The following STXBP4 variants were observed in gnomAD, a reference collection of about 807,000 sequenced individuals.
STXBP4 encodes the protein syntaxin-binding protein 4.
In STXBP4, 55 loss-of-function variants were observed where a neutral mutation model predicts 76.1. That is an observed-to-expected ratio of 0.72 (90% CI 0.58 to 0.91). STXBP4 has a LOEUF of 0.91. Ranked by LOEUF, STXBP4 falls within the 40% of genes least tolerant of loss-of-function variation. The pLI, the probability that STXBP4 is intolerant of heterozygous loss-of-function variation, is 0.00. For missense variants in STXBP4, 618 were observed against 636.9 expected, an observed-to-expected ratio of 0.97 and a Z score of 0.32; for synonymous variants, 201 against 220.2, an observed-to-expected ratio of 0.91 and a Z score of 0.77.
At chr17:55,046,343 A>G (rs1481666980) in intron 11 of STXBP4, among the ~76,000 whole-genome samples, 1 of 151,924 alleles carries the variant, frequency 6.6e-6, no homozygotes, top group Non-Finnish European at 1.5e-5. Context: ...AATATACCAG[A>G]AAGGATATTG....
intron 1 of STXBP4, among the ~76,000 whole-genome samples, chr17:54,971,842 G>A (rs1391676325): frequency 6.6e-6 from 1 of 151,520 alleles, no homozygotes; most frequent in African/African-American, 2.4e-5. Context: ...GGTTGCTCAG[G>A]CTGGTTTCAA....
At chr17:54,996,232 C>T (rs1388987199) in intron 4 of STXBP4, among the ~76,000 whole-genome samples, 9 of 149,046 alleles carry the variant, frequency 6.0e-5, no homozygotes, top group African/African-American at 2.2e-4. Flanking sequence ...AGAGAAGTGG[C>T]AGGGTGGATG....
intron 8 of STXBP4, among the ~76,000 whole-genome samples, chr17:55,013,517 T>C (rs2078149263): frequency 6.6e-6 from 1 of 152,240 alleles, no homozygotes; most frequent in African/African-American, 2.4e-5. Flanking sequence ...GATAAGCCAG[T>C]ATAGGCTGGA....
intron 16 of STXBP4, among the ~76,000 whole-genome samples, chr17:55,109,646 T>A (rs1337605621): frequency 8.6e-6 from 1 of 116,818 alleles, no homozygotes; most frequent in Non-Finnish European, 1.8e-5. Flanking sequence ...TTTTTTTTTT[T>A]TATATGGAGT....
chr17:55,024,302 C>G (rs1291162255), intron 8 of STXBP4, among the ~76,000 whole-genome samples: 1 of 152,242 alleles, frequency 6.6e-6, no homozygotes, highest in Non-Finnish European at 1.5e-5. Context: ...AGTGCCACCA[C>G]ATAAGGAGAT....
the STXBP4 span, among the ~76,000 whole-genome samples, chr17:55,197,954 G>A: frequency 3.9e-5 from 6 of 152,114 alleles, 1 homozygote; most frequent in African/African-American, 1.2e-4. Context: ...TGGACAAAAC[G>A]CACAGCAAAG....
chr17:55,211,856 G>A, the STXBP4 span, among the ~76,000 whole-genome samples: 2 of 123,662 alleles, frequency 1.6e-5, no homozygotes, highest in Admixed American at 2.2e-4. Flanking sequence ...TTGCCAGGCT[G>A]GAGTGGTGCA....
At chr17:55,094,897 G>A (rs1384514474) in intron 16 of STXBP4, among the ~76,000 whole-genome samples, 1 of 152,144 alleles carries the variant, frequency 6.6e-6, no homozygotes, top group East Asian at 1.9e-4. Context: ...CAAATATCTA[G>A]TGTGAATCAA....
chr17:55,061,075 G>A (rs2078988542), intron 12 of STXBP4, among the ~76,000 whole-genome samples: 1 of 152,160 alleles, frequency 6.6e-6, no homozygotes, highest in Non-Finnish European at 1.5e-5. Context: ...CTTGAGAAGA[G>A]CATGAAGTCC....
intron 4 of STXBP4, among the ~76,000 whole-genome samples, chr17:54,993,290 G>A (rs2077747534): frequency 6.6e-6 from 1 of 152,144 alleles, no homozygotes; most frequent in Admixed American, 6.5e-5. Flanking sequence ...GGTCATATCT[G>A]ACCAAGGAAA....
chr17:55,174,147 A>G (rs943227761), downstream of STXBP4, among the ~76,000 whole-genome samples: 1 of 152,228 alleles, frequency 6.6e-6, no homozygotes, highest in Non-Finnish European at 1.5e-5. Flanking sequence ...TCTTAATCAC[A>G]TCTGCAAAAT....
intron 12 of STXBP4, among the ~76,000 whole-genome samples, chr17:55,068,401 G>A (rs2079079434): frequency 6.6e-6 from 1 of 152,108 alleles, no homozygotes; most frequent in Non-Finnish European, 1.5e-5. Flanking sequence ...ATGTGAATGT[G>A]TTAGCCTAAT....
chr17:55,038,842 G>A (rs1357889542), intron 10 of STXBP4, among the ~76,000 whole-genome samples: 4 of 152,032 alleles, frequency 2.6e-5, no homozygotes, highest in Non-Finnish European at 5.9e-5. Context: ...TTGGGCTCTT[G>A]TTAAGTCAAT....
chr17:55,060,232 A>G (rs1170717295), intron 12 of STXBP4, among the ~76,000 whole-genome samples: 4 of 152,114 alleles, frequency 2.6e-5, no homozygotes, highest in Non-Finnish European at 5.9e-5. Flanking sequence ...TGTACATAGA[A>G]TGATATTATT....
rs1407008540 is a variant in STXBP4, at chr17:55,160,311, T to C, written c.*400T>C. ...ATAATGAAACACCTCATTTATTTGA[T>C]AATTCACTAATGTTTTATATTCATA... is the stretch of plus-strand genomic sequence containing the variant. On this transcript the variant is annotated 3_prime_UTR_variant, in exon 18 of 18. Transcript: ENST00000376352. The C allele has an allele frequency of 6.5e-6, 1 of 153,122 alleles. No homozygotes were observed. The highest frequency in any genetic ancestry group is 1.5e-5 in the Non-Finnish European group (1 of 68,394). The allele number at this position is 153,122 out of a possible 1,614,324, so 9.5% of individuals were successfully genotyped here.
At chr17:54,975,441 C>T (rs765377762) in intron 1 of STXBP4, among the ~76,000 whole-genome samples, 10 of 152,042 alleles carry the variant, frequency 6.6e-5, no homozygotes, top group Non-Finnish European at 1.3e-4. Context: ...CAGATATAGG[C>T]ACAATATTAT....
intron 9 of STXBP4, 117 bp downstream of exon 9, chr17:55,031,381 A>G (rs1370185994): frequency 1.3e-5 from 11 of 836,450 alleles, no homozygotes; most frequent in Admixed American, 1.2e-4. Flanking sequence ...GTAAAACTAC[A>G]TCCATTTCAA....
intron 12 of STXBP4, among the ~76,000 whole-genome samples, chr17:55,056,786 C>G: frequency 6.6e-6 from 1 of 152,084 alleles, no homozygotes; most frequent in Non-Finnish European, 1.5e-5. Context: ...GCAGGCAGAT[C>G]GCTTGAGCCC....
At chr17:55,078,816 A>C in intron 15 of STXBP4, 81 bp downstream of exon 15, 1 of 810,168 alleles carries the variant, frequency 1.2e-6, no homozygotes, top group Non-Finnish European at 2.1e-6. Flanking sequence ...AAATACTAAA[A>C]ATCTCTTAAA....
Sources: allele counts gnomAD v4.1 joint callset (sites outside exome capture counted in the v4.1 genomes callset), GRCh38; gene constraint gnomAD v4.1.1; transcripts MANE v1.5; gene names NCBI Gene and HGNC (gene_info 2026-07-23, HGNC 2026-07-21).